Variants in RICTOR observed in about 807,000 individuals in gnomAD.
RICTOR encodes the protein rapamycin-insensitive companion of mTOR.
RICTOR carries 49 observed loss-of-function variants against 214.9 expected under a neutral mutation model. The ratio of observed to expected loss-of-function variants is 0.23; its 90% confidence interval spans 0.18 to 0.29. The LOEUF (loss-of-function observed/expected upper bound fraction) is 0.29, where lower values mean the gene tolerates loss of function less well. Ranked by LOEUF, RICTOR falls within the 10% of genes least tolerant of loss-of-function variation. RICTOR has a pLI of 1.00. For missense variants in RICTOR, 1,625 were observed against 2,047.0 expected (o/e 0.79, Z 3.98); for synonymous variants, 717 against 711.3 (o/e 1.01, Z -0.13).
chr5:39,066,028 G>A (rs918216754), intron 2 of RICTOR, among the ~76,000 whole-genome samples: 1 of 152,246 alleles, frequency 6.6e-6, no homozygotes, highest in African/African-American at 2.4e-5. Flanking sequence ...GGACTCTGGG[G>A]GGCTCCAACC....
intron 30 of RICTOR, among the ~76,000 whole-genome samples, chr5:38,951,333 T>C (rs1160678092): frequency 6.6e-6 from 1 of 151,996 alleles, no homozygotes; most frequent in East Asian, 1.9e-4. Context: ...AACTTTTCTG[T>C]TGAATAATTA....
In RICTOR at chr5:38,962,584, A is replaced by T; in HGVS notation, c.1569T>A (p.Asp523Glu). Residue 523 changes from aspartate to glutamate, a missense_variant and splice_region_variant, in exon 18 of 38, where the codon GAT becomes GAA. Physicochemically the swap from Asp to Glu is conservative, Grantham distance 45. This residue lies in a region of RICTOR where 1,214 missense variants were observed against 1,470.5 expected (regional missense o/e 0.83). Transcript: ENST00000357387. ...GGTTAATTAAAAGAGCTTCCTCTGT[A>T]TCCTAAAATCATCAGAAAGTAATAA... is the stretch of plus-strand genomic sequence containing the variant. The part of the protein sequence containing the change: ...RVQKDIFILK[D>E]TEEALLINLR... 1.4e-6 allele frequency: 2 copies of T among 1,476,480 alleles called. No homozygotes were observed. Among genetic ancestry groups the T allele is most frequent in the Non-Finnish European group, 1.9e-6 (2 of 1,078,910 alleles). The allele number at this position is 1,476,480 out of a possible 1,614,324, so 91.5% of individuals were successfully genotyped here.
chr5:39,063,944 G>A (rs1286787811), intron 2 of RICTOR, among the ~76,000 whole-genome samples: 1 of 152,004 alleles, frequency 6.6e-6, no homozygotes, highest in Admixed American at 6.6e-5. Context: ...AACAGGATAT[G>A]TTTAAAGCAT....
At chr5:39,025,653 C>A (rs772331435) in intron 2 of RICTOR, among the ~76,000 whole-genome samples, 1 of 152,094 alleles carries the variant, frequency 6.6e-6, no homozygotes, top group Non-Finnish European at 1.5e-5. Context: ...TCTTTCAGGT[C>A]GCAGACTGCC....
At chr5:39,065,743 G>A (rs1338810760) in intron 2 of RICTOR, among the ~76,000 whole-genome samples, 1 of 152,232 alleles carries the variant, frequency 6.6e-6, no homozygotes, top group Non-Finnish European at 1.5e-5. Flanking sequence ...AACCCAGCAG[G>A]GCAGTCATTA....
chr5:39,004,000 C>G lies in RICTOR; in HGVS notation c.196-378G>C, dbSNP rs151307052. On this transcript the variant is annotated intron_variant, in intron 3 of 37. Coordinates refer to ENST00000357387, the MANE Select transcript of RICTOR (RefSeq NM_152756.5). ...ATGTCCTCAATGCCAGAATCTCACACTTTAATTTCACTTTCTCCCCTCACA... is the reference window on the plus strand; with the variant it reads ...ATGTCCTCAATGCCAGAATCTCACAGTTTAATTTCACTTTCTCCCCTCACA... Among the ~76,000 whole-genome samples, 439 of 152,288 alleles carry G rather than the reference C, an allele frequency of 2.9e-3. 5 individuals carry two copies. The highest frequency in any genetic ancestry group is 9.9e-4 in the Non-Finnish European group (67 of 67,998).
chr5:39,008,712 A>G (rs1754261725), intron 3 of RICTOR, among the ~76,000 whole-genome samples: 1 of 151,904 alleles, frequency 6.6e-6, no homozygotes. Context: ...GCTAACTAAA[A>G]ATATACCATT....
intron 2 of RICTOR, among the ~76,000 whole-genome samples, chr5:39,041,186 C>A (rs756020081): frequency 1.1e-4 from 16 of 152,044 alleles, no homozygotes; most frequent in Non-Finnish European, 2.1e-4. Context: ...TTATTCTTGA[C>A]AATAAGCAAT....
chr5:39,008,624 G>GA (rs1314945278), intron 3 of RICTOR, among the ~76,000 whole-genome samples: 2 of 151,802 alleles, frequency 1.3e-5, no homozygotes. Context: ...GTGGCATCAA[G>GA]AATCTGGAGA....
intron 8 of RICTOR, chr5:38,981,372 C>CTG (rs1313508792): frequency 6.5e-6 from 1 of 154,622 alleles, no homozygotes; most frequent in African/African-American, 2.4e-5. Context: ...TTTTGACTAA[C>CTG]TGTAATAAAC....
In RICTOR at chr5:38,985,385, C is replaced by T. The variant is rs575547203; in HGVS notation, c.584-3349G>A. 2.2e-4 allele frequency among the ~76,000 whole-genome samples: 33 copies of T among 152,054 alleles called. No individual in the cohort carries two copies. The East Asian group carries it at 5.8e-3, about 27-fold the overall frequency. ...TTTTTCTCTAAATGTTTTAGAACTG[C>T]GGATGGTTCAATCCACAGATGTGGA... On this transcript the variant is annotated intron_variant, in intron 7 of 37. Coordinates refer to ENST00000357387, the MANE Select transcript of RICTOR (RefSeq NM_152756.5).
intron 24 of RICTOR, 67 bp downstream of exon 24, chr5:38,958,376 T>C (rs955991785): frequency 1.0e-6 from 1 of 971,416 alleles, no homozygotes; most frequent in Middle Eastern, 2.3e-4. Context: ...GATTTGAATC[T>C]ATCTTTAATA....
intron 3 of RICTOR, among the ~76,000 whole-genome samples, chr5:39,017,050 T>C (rs911811396): frequency 6.6e-6 from 1 of 152,176 alleles, no homozygotes; most frequent in African/African-American, 2.4e-5. Flanking sequence ...TCACATTATA[T>C]TTCTATTACG....
intron 2 of RICTOR, among the ~76,000 whole-genome samples, chr5:39,063,966 C>A (rs1193524685): frequency 3.9e-5 from 6 of 152,138 alleles, no homozygotes; most frequent in Admixed American, 2.6e-4. Context: ...AGAATATCCT[C>A]AATTTTATAT....
chr5:38,949,900 A>G lies in RICTOR; in HGVS notation c.3948T>C (p.Asp1316=), dbSNP rs769569496. Residue 1316 remains aspartate (D), a synonymous_variant, in exon 31 of 38, where the codon GAT becomes GAC. Transcript: ENST00000357387. The part of the protein sequence containing the change: ...PSIATIKSLA[D]CNFSYTSSRD... ...TAGAACTTGTGTAACTAAAGTTACA[A>G]TCTGCTAGACTTTTAATTGTAGCAA... 15 of 1,613,414 alleles carry G rather than the reference A, an allele frequency of 9.3e-6. 1 individual carries two copies. The South Asian group carries it at 1.4e-4, about 15-fold the overall frequency.
At chr5:38,967,290 A>C in intron 13 of RICTOR, 47 bp downstream of exon 13, 1 of 1,597,990 alleles carries the variant, frequency 6.3e-7, no homozygotes, top group African/African-American at 1.3e-5. Flanking sequence ...TCTAACATAA[A>C]AACCCGAATT....
At chr5:39,043,184 T>C (rs1051498933) in intron 2 of RICTOR, among the ~76,000 whole-genome samples, 1 of 152,088 alleles carries the variant, frequency 6.6e-6, no homozygotes, top group African/African-American at 2.4e-5. Flanking sequence ...ACCAAAGAGA[T>C]ACCATATTTT....
chr5:38,978,867 TAA>T (rs1231006916), intron 8 of RICTOR, among the ~76,000 whole-genome samples: 2 of 152,234 alleles, frequency 1.3e-5, no homozygotes, highest in East Asian at 3.9e-4. Context: ...AACATGTATC[TAA>T]AACAGTGATT....
intron 3 of RICTOR, among the ~76,000 whole-genome samples, chr5:39,010,935 G>T (rs556676953): frequency 1.3e-5 from 2 of 152,236 alleles, no homozygotes; most frequent in African/African-American, 4.8e-5. Flanking sequence ...CAACAGAAAA[G>T]AAAAACCCAT....
Sources: allele counts gnomAD v4.1 joint callset (sites outside exome capture counted in the v4.1 genomes callset), GRCh38; gene constraint gnomAD v4.1.1; regional missense constraint gnomAD v4.1.1; transcripts MANE v1.5; gene names NCBI Gene and HGNC (gene_info 2026-07-23, HGNC 2026-07-21).